The following EYS variants were observed in gnomAD, a reference collection of about 807,000 sequenced individuals.
EYS encodes protein eyes shut homolog.
Under a neutral mutation model 282.1 loss-of-function variants are expected in EYS, and 250 were observed. The observed-to-expected ratio is 0.89, with a 90% CI of 0.80 to 0.98. The LOEUF (loss-of-function observed/expected upper bound fraction) is 0.98, where lower values mean the gene tolerates loss of function less well. Ranked by LOEUF, EYS falls within the 50% of genes least tolerant of loss-of-function variation. The pLI is 0.00. For missense variants in EYS, 4,016 were observed against 3,709.0 expected (o/e 1.08, Z -2.15); for synonymous variants, 1,355 against 1,282.9 (o/e 1.06, Z -1.20).
At chr6:63,817,486 G>A (rs1290575474) in intron 36 of EYS, among the ~76,000 whole-genome samples, 3 of 152,138 alleles carry the variant, frequency 2.0e-5, no homozygotes, top group African/African-American at 4.8e-5. Context: ...GGAACCAATC[G>A]CGGATGCAGC....
At chr6:65,613,918 A>C (rs1766092601) in intron 2 of EYS, among the ~76,000 whole-genome samples, 1 of 151,922 alleles carries the variant, frequency 6.6e-6, no homozygotes, top group Admixed American at 6.6e-5. Context: ...TATTTAGATT[A>C]TGAAATAAAA....
chr6:64,694,438 C>A (rs1013764543), intron 22 of EYS, among the ~76,000 whole-genome samples: 1 of 152,138 alleles, frequency 6.6e-6, no homozygotes, highest in Non-Finnish European at 1.5e-5. Context: ...GCAACTCAGG[C>A]CACAGGGGAA....
At chr6:65,689,158 A>G (rs1362843118) in intron 1 of EYS, among the ~76,000 whole-genome samples, 1 of 150,106 alleles carries the variant, frequency 6.7e-6, no homozygotes, top group Non-Finnish European at 1.5e-5. Flanking sequence ...GATTAAGAAA[A>G]TGTGGTACAT....
chr6:64,803,304 G>T (rs1764315889), intron 22 of EYS, among the ~76,000 whole-genome samples: 1 of 151,718 alleles, frequency 6.6e-6, no homozygotes, highest in Non-Finnish European at 1.5e-5. Context: ...ACTCAAATTG[G>T]GTAGCTCCTT....
At chr6:64,664,548 G>A (rs1267979593) in intron 22 of EYS, among the ~76,000 whole-genome samples, 1 of 152,164 alleles carries the variant, frequency 6.6e-6, no homozygotes, top group Non-Finnish European at 1.5e-5. Flanking sequence ...TGAGCTGAAT[G>A]TTTATTTCCA....
intron 13 of EYS, among the ~76,000 whole-genome samples, chr6:65,016,586 G>GT (rs1178997077): frequency 6.6e-6 from 1 of 152,148 alleles, no homozygotes; most frequent in African/African-American, 2.4e-5. Context: ...GCATCATGTA[G>GT]GATATGTAAA....
intron 15 of EYS, among the ~76,000 whole-genome samples, chr6:64,925,693 T>A (rs1025090350): frequency 6.6e-6 from 1 of 151,720 alleles, no homozygotes; most frequent in Non-Finnish European, 1.5e-5. Context: ...CTTGTCTAGA[T>A]GATCTCTCAT....
At chr6:64,028,751 A>G (rs1167047134) in intron 33 of EYS, among the ~76,000 whole-genome samples, 2 of 152,114 alleles carry the variant, frequency 1.3e-5, no homozygotes, top group Non-Finnish European at 2.9e-5. Context: ...TGGTCCTTCA[A>G]TATGTGGATG....
intron 31 of EYS, among the ~76,000 whole-genome samples, chr6:64,146,773 T>C (rs1261083843): frequency 2.0e-5 from 3 of 152,130 alleles, no homozygotes; most frequent in Non-Finnish European, 2.9e-5. Context: ...AGGAGAAAAG[T>C]AGAGAAACAT....
chr6:65,219,708 G>C (rs2150258141), intron 12 of EYS, among the ~76,000 whole-genome samples: 1 of 152,184 alleles, frequency 6.6e-6, no homozygotes, highest in East Asian at 1.9e-4. Flanking sequence ...ATGCAAGACT[G>C]GGTAATTTAT....
rs141162827 is a variant in EYS, at chr6:64,319,826, T to G, written c.6079-12744A>C. ...CTGCCACAAGACCTTTCTTCCCTGC[T>G]GCTGCTGCTGTTGTGATGTATTCTT... On this transcript the variant is annotated intron_variant, in intron 29 of 42. Coordinates refer to ENST00000503581, the MANE Select transcript of EYS (RefSeq NM_001142800.2). Among the ~76,000 whole-genome samples the G allele has an allele frequency of 2.3e-3, 345 of 152,056 alleles. 2 individuals are homozygous for G. Among genetic ancestry groups the G allele is most frequent in the African/African-American group, 8.0e-3 (332 of 41,540 alleles).
At chr6:64,343,908 T>C (rs1033707577) in intron 29 of EYS, among the ~76,000 whole-genome samples, 1 of 151,904 alleles carries the variant, frequency 6.6e-6, no homozygotes, top group East Asian at 1.9e-4. Flanking sequence ...ACAAACTACA[T>C]CAGAGAATAC....
At chr6:64,961,172 A>G (rs1769902923) in intron 14 of EYS, among the ~76,000 whole-genome samples, 1 of 152,062 alleles carries the variant, frequency 6.6e-6, no homozygotes, top group African/African-American at 2.4e-5. Context: ...TATACCTAGG[A>G]ATGGGATTGC....
intron 40 of EYS, 151 bp downstream of exon 40, chr6:63,777,855 G>T: frequency 1.4e-6 from 1 of 730,760 alleles, no homozygotes; most frequent in Non-Finnish European, 2.3e-6. Flanking sequence ...GCCTTCACCT[G>T]TCCTCCCATC....
chr6:64,360,636 T>G (rs1771973956), intron 29 of EYS, among the ~76,000 whole-genome samples: 1 of 151,786 alleles, frequency 6.6e-6, no homozygotes, highest in African/African-American at 2.4e-5. Context: ...GGAAGCCCAA[T>G]ATGAAACTTT....
chr6:64,755,874 T>G (rs1468406693), intron 22 of EYS, among the ~76,000 whole-genome samples: 1 of 152,166 alleles, frequency 6.6e-6, no homozygotes, highest in Non-Finnish European at 1.5e-5. Flanking sequence ...AAGCTGCACT[T>G]GTAACCCTTA....
At chr6:64,137,387 T>C (rs1774197159) in intron 31 of EYS, among the ~76,000 whole-genome samples, 1 of 152,170 alleles carries the variant, frequency 6.6e-6, no homozygotes, top group African/African-American at 2.4e-5. Context: ...TCTTTTCCTT[T>C]GCATTCACAA....
At position 65,329,566 on chromosome 6, in the gene EYS, A is replaced by G. The variant is rs557502838; in HGVS notation, c.1766+5414T>C. The G allele has an allele frequency of 1.7e-5, 17 of 983,042 alleles. No individual in the cohort carries two copies. The Admixed American group carries it at 9.3e-4, about 54-fold the overall frequency. The allele number at this position is 983,042 out of a possible 1,614,324, so 60.9% of individuals were successfully genotyped here. ...ATATGACACTTTCATATGCAGTTCG[A>G]TATCTTTTTTGCTTTAAAGGTAAAA... On this transcript the variant is annotated intron_variant, in intron 11 of 42. Transcript: ENST00000503581.
At chr6:64,960,490 T>C (rs1769875344) in intron 14 of EYS, among the ~76,000 whole-genome samples, 1 of 152,152 alleles carries the variant, frequency 6.6e-6, no homozygotes, top group Non-Finnish European at 1.5e-5. Context: ...CCAATATATA[T>C]TCCAAATTAT....
Sources: gnomAD v4.1 joint callset for allele counts (sites outside exome capture counted in the v4.1 genomes callset) on GRCh38, gnomAD v4.1.1 for gene constraint, MANE v1.5 for transcripts, NCBI Gene and HGNC (gene_info 2026-07-23, HGNC 2026-07-21) for gene names.